The following C4orf36 variants were observed in gnomAD, a reference collection of about 807,000 sequenced individuals.
C4orf36 encodes chromosome 4 open reading frame 36.
C4orf36 carries 11 observed loss-of-function variants against 12.2 expected under a neutral mutation model. That is an observed-to-expected ratio of 0.90 (90% CI 0.57 to 1.49). The LOEUF (loss-of-function observed/expected upper bound fraction) is 1.49, where lower values mean the gene tolerates loss of function less well. Among genes scored for constraint, C4orf36 ranks in the 40% most tolerant of loss-of-function variants. The pLI is 0.00. For synonymous variants in C4orf36, 54 were observed against 51.3 expected, an observed-to-expected ratio of 1.05 and a Z score of -0.22; for missense variants, 137 against 133.9, an observed-to-expected ratio of 1.02 and a Z score of -0.11.
chr4:86,913,079 A>G, the C4orf36 span, among the ~76,000 whole-genome samples: 1 of 152,122 alleles, frequency 6.6e-6, no homozygotes, highest in African/African-American at 2.4e-5. Flanking sequence ...AAAAAAAAGT[A>G]CTGCTTTTAA....
intron 4 of C4orf36, among the ~76,000 whole-genome samples, chr4:86,881,916 G>T (rs1325173102): frequency 6.6e-6 from 1 of 152,138 alleles, no homozygotes; most frequent in Admixed American, 6.5e-5. Context: ...GATCTCAGGT[G>T]ATCCACCCAT....
At chr4:86,880,810 G>A (rs1242970593) in intron 4 of C4orf36, among the ~76,000 whole-genome samples, 1 of 152,224 alleles carries the variant, frequency 6.6e-6, no homozygotes, top group Non-Finnish European at 1.5e-5. Context: ...GGGAGGCTGA[G>A]GCAGGCAGAT....
chr4:86,900,459 A>C, the C4orf36 span, among the ~76,000 whole-genome samples: 1 of 152,174 alleles, frequency 6.6e-6, no homozygotes, highest in African/African-American at 2.4e-5. Context: ...AGGGCCTTTC[A>C]AAGAGGTAAT....
In C4orf36 at chr4:86,892,255, G is replaced by A. The variant is rs1747450604; in HGVS notation, c.-146C>T. On this transcript the variant is annotated 5_prime_UTR_variant, in exon 1 of 5. Transcript: ENST00000295898. ...GGGGCTTCCAGGGTGGCGGGTCCCC[G>A]CGAGCCGGCGCCGGCGGCCTGGTTA... The A allele has an allele frequency of 1.0e-6, 1 of 985,862 alleles. No individual in the cohort carries two copies. Among genetic ancestry groups the A allele is most frequent in the Non-Finnish European group, 1.2e-6 (1 of 830,316 alleles). 61.1% of individuals were successfully genotyped at this position (985,862 alleles called of 1,614,324 possible).
chr4:86,916,920 CCTGT>C, the C4orf36 span, among the ~76,000 whole-genome samples: 7 of 152,092 alleles, frequency 4.6e-5, no homozygotes, highest in African/African-American at 9.7e-5. Context: ...ATTTATGCTG[CCTGT>C]CTTAGTCTGT....
chr4:86,876,585 C>A lies in C4orf36; in HGVS notation c.*3-142G>T. ...TTTAGCCCATCAAAACCTGCAAAAT[C>A]TTTACATACACAGAAGAACAGACAG... On this transcript the variant is annotated intron_variant, in intron 4 of 4. Transcript: ENST00000295898. 2 of 1,613,934 alleles carry A rather than the reference C, an allele frequency of 1.2e-6. No individual in the cohort carries two copies. The highest frequency in any genetic ancestry group is 1.7e-6 in the Non-Finnish European group (2 of 1,179,850).
intron 4 of C4orf36, among the ~76,000 whole-genome samples, chr4:86,885,142 G>A (rs958680875): frequency 2.0e-5 from 3 of 152,132 alleles, no homozygotes; most frequent in Admixed American, 2.0e-4. Flanking sequence ...GATGCCTCCA[G>A]CTTTGTTCTT....
In C4orf36 at chr4:86,891,523, T is replaced by A. The variant is rs186795838; in HGVS notation, c.-3A>T. 2.5e-6 allele frequency: 4 copies of A among 1,613,526 alleles called. No individual in the cohort carries two copies. In the Admixed American group the frequency reaches 6.7e-5, roughly 27 times the overall value. On this transcript the variant is annotated 5_prime_UTR_variant, in exon 2 of 5. Transcript: ENST00000295898. ...TTTCTTGGCACTCCATACGCCATGG[T>A]GAGTTATTACGGTATGATTTCGTTA... is the stretch of plus-strand genomic sequence containing the variant.
intron 2 of C4orf36, chr4:86,890,034 T>C (rs1747330666): frequency 2.2e-6 from 1 of 453,312 alleles, no homozygotes; most frequent in South Asian, 1.6e-5. Flanking sequence ...CTACCAAAAA[T>C]AAAACAAACT....
the C4orf36 span, among the ~76,000 whole-genome samples, chr4:86,917,366 T>C: frequency 1.4e-4 from 14 of 99,354 alleles, no homozygotes; most frequent in African/African-American, 5.6e-4. Context: ...AAGGAAAGGA[T>C]GGAAGGAAGG....
the C4orf36 span, among the ~76,000 whole-genome samples, chr4:86,910,387 G>A: frequency 6.6e-6 from 1 of 152,016 alleles, no homozygotes; most frequent in Non-Finnish European, 1.5e-5. Context: ...ACTCCATCCT[G>A]GGCAACAGCG....
the C4orf36 span, chr4:86,913,693 C>G: frequency 6.2e-7 from 1 of 1,604,324 alleles, no homozygotes; most frequent in Non-Finnish European, 8.5e-7. Flanking sequence ...CTGACCCAGG[C>G]CAGGCGGCTC....
At chr4:86,908,893 A>G in the C4orf36 span, among the ~76,000 whole-genome samples, 1 of 152,156 alleles carries the variant, frequency 6.6e-6, no homozygotes, top group Non-Finnish European at 1.5e-5. Flanking sequence ...CCAGGCTTCC[A>G]GCTGTCCAAG....
upstream of C4orf36, among the ~76,000 whole-genome samples, chr4:86,893,388 G>A (rs1747501735): frequency 6.6e-6 from 1 of 152,136 alleles, no homozygotes; most frequent in Non-Finnish European, 1.5e-5. Flanking sequence ...TTCGAGACCA[G>A]CCTGGCCAAC....
chr4:86,891,592 A>G lies in C4orf36; in HGVS notation c.-72T>C. On this transcript the variant is annotated splice_region_variant and 5_prime_UTR_variant, in exon 2 of 5. Transcript: ENST00000295898. ...TGTCACAGATAACTCTGTTCACTTTACCTGAAATGATGGCAACGCACCTAA... is the reference window on the plus strand; with the variant it reads ...TGTCACAGATAACTCTGTTCACTTTGCCTGAAATGATGGCAACGCACCTAA... 6.2e-7 allele frequency: 1 copy of G among 1,606,340 alleles called. No individual in the cohort carries two copies. The highest frequency in any genetic ancestry group is 1.7e-4 in the Middle Eastern group (1 of 6,032).
At chr4:86,910,779 C>T in the C4orf36 span, among the ~76,000 whole-genome samples, 1 of 152,062 alleles carries the variant, frequency 6.6e-6, no homozygotes, top group South Asian at 2.1e-4. Flanking sequence ...GAAAGTTTTG[C>T]ATGAGGCCGG....
intron 4 of C4orf36, among the ~76,000 whole-genome samples, chr4:86,885,904 G>C (rs1470493568): frequency 6.6e-6 from 1 of 152,080 alleles, no homozygotes; most frequent in East Asian, 1.9e-4. Flanking sequence ...AGTTTTTAGC[G>C]TGAAGGGCTG....
chr4:86,923,091 T>C, the C4orf36 span, among the ~76,000 whole-genome samples: 1 of 151,114 alleles, frequency 6.6e-6, no homozygotes, highest in African/African-American at 2.4e-5. Flanking sequence ...AGCTGCCTTT[T>C]TTTTTTTTTT....
At position 86,892,354 on chromosome 4, in the gene C4orf36, C is replaced by A; in HGVS notation, c.-245G>T. The A allele has an allele frequency of 1.0e-6, 1 of 985,502 alleles. No homozygotes were observed. Among genetic ancestry groups the A allele is most frequent in the Non-Finnish European group, 1.2e-6 (1 of 829,978 alleles). The allele number at this position is 985,502 out of a possible 1,614,324, so 61.0% of individuals were successfully genotyped here. A position where few individuals can be genotyped will look rare whatever the true frequency, so the allele number is the denominator to read the frequency against. On this transcript the variant is annotated 5_prime_UTR_variant, in exon 1 of 5. Coordinates refer to ENST00000295898, the MANE Select transcript of C4orf36 (RefSeq NM_144645.4). Reference sequence around the variant, plus strand: ...AGCGCGCTGCGCTAAGCGCACATGGCCGCGCACACGCCTCGGGGCCGCGCC... The same window carrying A: ...AGCGCGCTGCGCTAAGCGCACATGGACGCGCACACGCCTCGGGGCCGCGCC...
Sources: gnomAD v4.1 joint callset for allele counts (sites outside exome capture counted in the v4.1 genomes callset) on GRCh38, gnomAD v4.1.1 for gene constraint, MANE v1.5 for transcripts, NCBI Gene and HGNC (gene_info 2026-07-23, HGNC 2026-07-21) for gene names.